FRMD5: variants seen among roughly 807,000 people sequenced by gnomAD.
FRMD5 encodes FERM domain-containing protein 5.
FRMD5 carries 20 observed loss-of-function variants against 69.0 expected under a neutral mutation model. The observed-to-expected ratio is 0.29, with a 90% confidence interval of 0.20 to 0.42. FRMD5 has a LOEUF of 0.42. FRMD5 is among the 10% of genes least tolerant of loss of function. The pLI is 1.00. For synonymous variants in FRMD5, 271 were observed against 260.1 expected, an observed-to-expected ratio of 1.04 and a Z score of -0.40; for missense variants, 595 against 708.6, an observed-to-expected ratio of 0.84 and a Z score of 1.82.
chr15:44,146,427 C>T (rs1174309493), intron 1 of FRMD5, among the ~76,000 whole-genome samples: 3 of 152,080 alleles, frequency 2.0e-5, no homozygotes, highest in African/African-American at 4.8e-5. Context: ...TCCATGTCTT[C>T]GCTATTGTGA....
At chr15:43,998,919 C>T (rs1440606417) in intron 1 of FRMD5, among the ~76,000 whole-genome samples, 1 of 152,170 alleles carries the variant, frequency 6.6e-6, no homozygotes, top group African/African-American at 2.4e-5. Flanking sequence ...CAGACAATCT[C>T]TGGGAACAAC....
At chr15:43,901,151 C>T (rs1030371637) in intron 7 of FRMD5, among the ~76,000 whole-genome samples, 6 of 152,206 alleles carry the variant, frequency 3.9e-5, no homozygotes, top group Admixed American at 3.3e-4. Context: ...AGATGACAGC[C>T]ATCCACAGGC....
intron 1 of FRMD5, among the ~76,000 whole-genome samples, chr15:44,167,203 C>CA (rs900524980): frequency 6.6e-6 from 1 of 151,752 alleles, no homozygotes; most frequent in Non-Finnish European, 1.5e-5. Context: ...CTCGTCTCCA[C>CA]AAAAAAAATT....
intron 1 of FRMD5, among the ~76,000 whole-genome samples, chr15:44,037,156 G>A (rs1891955731): frequency 6.6e-6 from 1 of 151,956 alleles, no homozygotes. Flanking sequence ...ACCCCCGACA[G>A]GCCCTGGTGT....
intron 1 of FRMD5, among the ~76,000 whole-genome samples, chr15:44,013,854 C>A (rs955663136): frequency 3.5e-5 from 2 of 57,816 alleles, no homozygotes; most frequent in Admixed American, 2.7e-4. Flanking sequence ...CTGGAGACAC[C>A]TTCTTTTTTT....
chr15:43,888,998 CAG>C (rs1225524586), intron 8 of FRMD5, 126 bp from the exon 9 acceptor site: 2 of 763,020 alleles, frequency 2.6e-6, no homozygotes, highest in East Asian at 5.1e-5. Context: ...TAGCCAAAAT[CAG>C]AACTGAAACA....
At chr15:44,121,894 G>C (rs1164986073) in intron 1 of FRMD5, among the ~76,000 whole-genome samples, 16 of 150,868 alleles carry the variant, frequency 1.1e-4, no homozygotes, top group Middle Eastern at 3.4e-3. Flanking sequence ...ACTTGGGAGG[G>C]TGAGACAGGA....
chr15:43,995,853 T>G (rs1308659676), intron 1 of FRMD5, among the ~76,000 whole-genome samples: 1 of 151,936 alleles, frequency 6.6e-6, no homozygotes, highest in Non-Finnish European at 1.5e-5. Flanking sequence ...TTGGTCCACA[T>G]GGATGTTCCT....
chr15:44,029,379 A>G (rs1472792324), intron 1 of FRMD5, among the ~76,000 whole-genome samples: 6 of 152,186 alleles, frequency 3.9e-5, no homozygotes, highest in Non-Finnish European at 5.9e-5. Flanking sequence ...TGCAGTCACA[A>G]TAAGAAAGCA....
At chr15:44,042,726 C>T (rs1311431125) in intron 1 of FRMD5, among the ~76,000 whole-genome samples, 1 of 152,206 alleles carries the variant, frequency 6.6e-6, no homozygotes, top group African/African-American at 2.4e-5. Context: ...CGAAATTCAA[C>T]AGCCTTCATG....
At chr15:44,190,515 G>A (rs142308538) in intron 1 of FRMD5, among the ~76,000 whole-genome samples, 13 of 152,218 alleles carry the variant, frequency 8.5e-5, no homozygotes, top group African/African-American at 2.9e-4. Flanking sequence ...TGAAAGTTTT[G>A]AAATCCTAAG....
rs544308628 is a variant in FRMD5 at position 43,962,389 on chromosome 15, T to C, written c.103-38080A>G. On this transcript the variant is annotated intron_variant, in intron 1 of 13. Transcript: ENST00000417257. ...CTTCAAGGAGAACTACAAACCACTGTTCAATGAAATAAAAGAGGACACAAA... is the reference window on the plus strand; with the variant it reads ...CTTCAAGGAGAACTACAAACCACTGCTCAATGAAATAAAAGAGGACACAAA... Among the ~76,000 whole-genome samples the C allele has an allele frequency of 2.4e-4, 36 of 152,194 alleles. No homozygotes were observed. The South Asian group carries it at 4.6e-3, about 19-fold the overall frequency.
chr15:44,077,968 A>T (rs1015622450), intron 1 of FRMD5, among the ~76,000 whole-genome samples: 1 of 152,110 alleles, frequency 6.6e-6, no homozygotes, highest in Non-Finnish European at 1.5e-5. Flanking sequence ...TAAACTATGT[A>T]TATTTTTTAT....
At chr15:44,180,091 A>T (rs530676598) in intron 1 of FRMD5, among the ~76,000 whole-genome samples, 47 of 151,668 alleles carry the variant, frequency 3.1e-4, no homozygotes, top group African/African-American at 1.1e-3. Flanking sequence ...AGGCAAAAAA[A>T]GAAAACAACT....
At chr15:44,101,157 A>C (rs1012271097) in intron 1 of FRMD5, among the ~76,000 whole-genome samples, 5 of 144,436 alleles carry the variant, frequency 3.5e-5, no homozygotes, top group African/African-American at 1.1e-4. Flanking sequence ...TCAAAAAAAA[A>C]AACAACAAAC....
intron 1 of FRMD5, among the ~76,000 whole-genome samples, chr15:44,112,018 T>C (rs551490966): frequency 1.1e-4 from 17 of 152,216 alleles, no homozygotes; most frequent in African/African-American, 4.1e-4. Flanking sequence ...TAATTTTTTG[T>C]ATTTTTAGTA....
chr15:43,914,723 C>CTTTTTTTTTTTTTTTT lies in FRMD5; in HGVS notation c.329+4720_329+4735dup, dbSNP rs533023960. Among the ~76,000 whole-genome samples the CTTTTTTTTTTTTTTTT allele has an allele frequency of 1.9e-4, 21 of 109,370 alleles. 3 individuals are homozygous for CTTTTTTTTTTTTTTTT. Among genetic ancestry groups the CTTTTTTTTTTTTTTTT allele is most frequent in the African/African-American group, 8.1e-4 (15 of 18,584 alleles). 71.8% of individuals were successfully genotyped at this position (109,370 alleles called of 152,430 possible). ...CCCAGCAACTCTATGAGGTGACTAC[C>CTTTTTTTTTTTTTTTT]TTTTTTTTTTTTTTTTTTTTTGAGA... On this transcript the variant is annotated intron_variant, in intron 4 of 13. Coordinates refer to ENST00000417257, the MANE Select transcript of FRMD5 (RefSeq NM_032892.5).
intron 1 of FRMD5, among the ~76,000 whole-genome samples, chr15:44,066,417 C>G (rs1463616699): frequency 6.6e-6 from 1 of 152,092 alleles, no homozygotes; most frequent in African/African-American, 2.4e-5. Context: ...GGAGAGCGCC[C>G]TCTGGTGGAA....
intron 1 of FRMD5, among the ~76,000 whole-genome samples, chr15:44,075,567 C>T (rs1261043398): frequency 2.0e-5 from 3 of 152,002 alleles, no homozygotes; most frequent in Non-Finnish European, 4.4e-5. Flanking sequence ...GGGAATTTCT[C>T]CCTATTTTAG....
Sources: allele counts gnomAD v4.1 joint callset (sites outside exome capture counted in the v4.1 genomes callset), GRCh38; gene constraint gnomAD v4.1.1; transcripts MANE v1.5; gene names NCBI Gene and HGNC (gene_info 2026-07-23, HGNC 2026-07-21).